SPON1: variants seen among roughly 807,000 people sequenced by gnomAD.
SPON1 encodes the protein spondin-1.
A neutral mutation model predicts 111.7 loss-of-function variants in SPON1; 52 were observed. The ratio of observed to expected loss-of-function variants is 0.47; its 90% CI spans 0.37 to 0.59. SPON1 has a LOEUF of 0.59. Among genes scored for constraint, SPON1 ranks in the 20% least tolerant of loss-of-function variants. The probability of loss-of-function intolerance (pLI) is 0.00; values close to 1 mark genes in which losing one functional copy is unlikely to be tolerated. For synonymous variants in SPON1, 410 were observed against 395.8 expected (o/e 1.04, Z -0.43); for missense variants, 957 against 1,068.5 (o/e 0.90, Z 1.46).
At chr11:14,075,151 C>T (rs903768936) in intron 3 of SPON1, among the ~76,000 whole-genome samples, 194 bp from the exon 4 acceptor site, 1 of 152,122 alleles carries the variant, frequency 6.6e-6, no homozygotes, top group Non-Finnish European at 1.5e-5. Context: ...TCTTGACATA[C>T]ATTTTCTGAC....
chr11:14,128,321 T>C (rs1243418640), intron 5 of SPON1, among the ~76,000 whole-genome samples: 2 of 152,202 alleles, frequency 1.3e-5, no homozygotes, highest in Non-Finnish European at 2.9e-5. Flanking sequence ...GGGTAGATGC[T>C]CCCATTCCAA....
chr11:14,206,782 T>C (rs1848521519), intron 6 of SPON1, among the ~76,000 whole-genome samples: 1 of 149,498 alleles, frequency 6.7e-6, no homozygotes, highest in Non-Finnish European at 1.5e-5. Context: ...TAGGGAAGAG[T>C]CATTATTGTG....
chr11:14,152,757 A>G lies in SPON1; in HGVS notation c.825+17189A>G, dbSNP rs185528855. 2.2e-4 allele frequency among the ~76,000 whole-genome samples: 34 copies of G among 152,382 alleles called. No homozygotes were observed. In the East Asian group the frequency reaches 2.7e-3, roughly 12 times the overall value. ...CTTTAAAATGCAATGACTTCCCTGC[A>G]TAATGCATTCAAGAATCAATGCAAA... On this transcript the variant is annotated intron_variant, in intron 6 of 15. Transcript: ENST00000576479.
At chr11:14,139,625 G>A (rs1591386417) in intron 6 of SPON1, among the ~76,000 whole-genome samples, 1 of 151,672 alleles carries the variant, frequency 6.6e-6, no homozygotes, top group African/African-American at 2.4e-5. Context: ...TATATGCTAG[G>A]CATTGGAGAT....
At position 14,265,700 on chromosome 11, in the gene SPON1, T is replaced by C; in HGVS notation, c.*13T>C. The C allele has an allele frequency of 6.2e-7, 1 of 1,612,072 alleles. No individual in the cohort carries two copies. Among genetic ancestry groups the C allele is most frequent in the Non-Finnish European group, 8.5e-7 (1 of 1,179,076 alleles). On this transcript the variant is annotated 3_prime_UTR_variant, in exon 16 of 16. Transcript: ENST00000576479. ...TCATCCTTGTTAGCAAGGGTACGAG[T>C]TCCCCAGGGCTGCACTCTAGATTCC...
chr11:14,126,974 C>T (rs951561448), intron 5 of SPON1, among the ~76,000 whole-genome samples: 1 of 152,132 alleles, frequency 6.6e-6, no homozygotes, highest in African/African-American at 2.4e-5. Flanking sequence ...GATTCAGATC[C>T]TTGCATGTGA....
chr11:14,258,389 A>C (rs1849133543), intron 11 of SPON1, among the ~76,000 whole-genome samples: 1 of 152,204 alleles, frequency 6.6e-6, no homozygotes, highest in Non-Finnish European at 1.5e-5. Context: ...AACAGTGCAA[A>C]GGTCAGCCTT....
intron 2 of SPON1, among the ~76,000 whole-genome samples, chr11:13,997,372 C>T (rs1848281687): frequency 6.6e-6 from 1 of 152,178 alleles, no homozygotes; most frequent in Non-Finnish European, 1.5e-5. Context: ...AAATTCTGCC[C>T]TACTAGCTAA....
chr11:14,254,576 A>G lies in SPON1; in HGVS notation c.939A>G (p.Leu313=). ...TTTCCGTGGACAGAACGCGCCATTT[A>G]ATGTCCTTCCTGACCATGATGGGCC... The part of the protein sequence containing the change: ...AEFSVDRTRH[L]MSFLTMMGPS... Residue 313 remains leucine (L), a synonymous_variant, in exon 8 of 16, where the codon TTA becomes TTG. Transcript: ENST00000576479. The G allele has an allele frequency of 6.2e-7, 1 of 1,613,402 alleles. No homozygotes were observed. The highest frequency in any genetic ancestry group is 8.5e-7 in the Non-Finnish European group (1 of 1,179,656).
chr11:14,166,067 A>G (rs1848026167), intron 6 of SPON1, among the ~76,000 whole-genome samples: 1 of 151,720 alleles, frequency 6.6e-6, no homozygotes, highest in Non-Finnish European at 1.5e-5. Flanking sequence ...CAGGTCAGGA[A>G]CCTGGTACAG....
intron 6 of SPON1, among the ~76,000 whole-genome samples, chr11:14,197,786 G>A (rs1848419376): frequency 6.6e-6 from 1 of 152,112 alleles, no homozygotes; most frequent in Non-Finnish European, 1.5e-5. Flanking sequence ...CTGCACTCCA[G>A]CCTGGGTGAC....
intron 6 of SPON1, among the ~76,000 whole-genome samples, chr11:14,237,793 G>A (rs1451552431): frequency 2.6e-5 from 4 of 152,206 alleles, no homozygotes; most frequent in Non-Finnish European, 4.4e-5. Flanking sequence ...TTGTGAACAT[G>A]GTCTGATATT....
At chr11:14,168,899 C>G (rs1368598231) in intron 6 of SPON1, among the ~76,000 whole-genome samples, 1 of 152,164 alleles carries the variant, frequency 6.6e-6, no homozygotes, top group African/African-American at 2.4e-5. Flanking sequence ...TCCAGTCTAT[C>G]ATTGTTGAAC....
chr11:14,159,902 G>A (rs1379975726), intron 6 of SPON1, among the ~76,000 whole-genome samples: 4 of 143,380 alleles, frequency 2.8e-5, no homozygotes, highest in Admixed American at 2.8e-4. Context: ...GTAGTGGGGG[G>A]TGGGAGGTGG....
chr11:14,006,860 A>C (rs1378389087), intron 2 of SPON1, among the ~76,000 whole-genome samples: 1 of 152,204 alleles, frequency 6.6e-6, no homozygotes, highest in South Asian at 2.1e-4. Context: ...AATTTCCTAG[A>C]GCTGCTGTAA....
chr11:14,021,030 TAAGAG>T lies in SPON1; in HGVS notation c.346-20488_346-20484del, dbSNP rs1357219287. Among the ~76,000 whole-genome samples the T allele has an allele frequency of 9.2e-5, 14 of 152,304 alleles. No individual in the cohort carries two copies. The East Asian group carries it at 2.7e-3, about 29-fold the overall frequency. On this transcript the variant is annotated intron_variant, in intron 2 of 15. Coordinates refer to ENST00000576479, the MANE Select transcript of SPON1 (RefSeq NM_006108.4). Reference sequence around the variant, plus strand: ...GTTTAAAAGATTGTTTATAAGATGTTAAGAGAAAGAAATGAGGTTACAGAATATCA... The same window carrying T: ...GTTTAAAAGATTGTTTATAAGATGTTAAAGAAATGAGGTTACAGAATATCA...
intron 7 of SPON1, among the ~76,000 whole-genome samples, chr11:14,252,283 C>T (rs1299295017): frequency 2.6e-5 from 4 of 151,928 alleles, no homozygotes; most frequent in Admixed American, 2.6e-4. Context: ...GAATCCAGCG[C>T]TATGTATCTG....
At chr11:14,196,682 G>A (rs73426144) in intron 6 of SPON1, among the ~76,000 whole-genome samples, 274 of 152,288 alleles carry the variant, frequency 1.8e-3, no homozygotes, top group African/African-American at 6.5e-3. Flanking sequence ...GTGTTTCCCT[G>A]TGTTTCAGGA....
chr11:14,123,425 A>C (rs1035009016), intron 5 of SPON1, among the ~76,000 whole-genome samples: 5 of 152,064 alleles, frequency 3.3e-5, no homozygotes, highest in African/African-American at 1.2e-4. Flanking sequence ...GGGCTAATGT[A>C]GTTTTGCTAC....
Sources: allele counts gnomAD v4.1 joint callset (sites outside exome capture counted in the v4.1 genomes callset), GRCh38; gene constraint gnomAD v4.1.1; transcripts MANE v1.5; gene names NCBI Gene and HGNC (gene_info 2026-07-23, HGNC 2026-07-21).